Variants in RCAN1 observed in about 807,000 individuals in gnomAD.
RCAN1 encodes the protein calcipressin-1.
RCAN1 carries 11 observed loss-of-function variants against 22.9 expected under a neutral mutation model. That is an observed-to-expected ratio of 0.48 (90% CI 0.30 to 0.79). The LOEUF (loss-of-function observed/expected upper bound fraction) is 0.79. RCAN1 is among the 30% of genes least tolerant of loss of function. The pLI, the probability that RCAN1 is intolerant of heterozygous loss-of-function variation, is 0.06. For missense variants in RCAN1, 291 were observed against 337.8 expected, an observed-to-expected ratio of 0.86 and a Z score of 1.09; for synonymous variants, 136 against 142.3, an observed-to-expected ratio of 0.96 and a Z score of 0.32.
chr21:34,537,415 T>C (rs151274447), intron 1 of RCAN1, among the ~76,000 whole-genome samples: 1 of 152,312 alleles, frequency 6.6e-6, no homozygotes, highest in East Asian at 1.9e-4. Context: ...ATTGAAAAAT[T>C]GGGAGGTGTC....
intron 3 of RCAN1, among the ~76,000 whole-genome samples, chr21:34,519,397 CTTTTT>C (rs34152667): frequency 1.9e-5 from 2 of 102,784 alleles, no homozygotes; most frequent in Non-Finnish European, 3.8e-5. Context: ...TTCTTTCTTT[CTTTTT>C]TTTTTTTTTT....
At chr21:34,597,554 G>A (rs188439961) in intron 1 of RCAN1, among the ~76,000 whole-genome samples, 16 of 152,332 alleles carry the variant, frequency 1.1e-4, no homozygotes, top group African/African-American at 3.8e-4. Context: ...AGATGTGTCT[G>A]TTGGGGTAAC....
intron 1 of RCAN1, among the ~76,000 whole-genome samples, chr21:34,544,193 C>T (rs1458051705): frequency 2.0e-5 from 3 of 152,178 alleles, no homozygotes; most frequent in Non-Finnish European, 4.4e-5. Flanking sequence ...TGCATGATCC[C>T]GGGACTCTGT....
chr21:34,574,344 A>C (rs1987335918), intron 1 of RCAN1, among the ~76,000 whole-genome samples: 2 of 152,356 alleles, frequency 1.3e-5, no homozygotes, highest in East Asian at 3.9e-4. Context: ...GTGAGATACT[A>C]CGTATATTTT....
At chr21:34,525,448 T>C (rs1381118430) in intron 1 of RCAN1, 2 of 1,375,902 alleles carry the variant, frequency 1.5e-6, no homozygotes, top group Non-Finnish European at 1.9e-6. Flanking sequence ...CCCACCTCTC[T>C]TGAGCACGGG....
chr21:34,579,054 G>A (rs972104335), intron 1 of RCAN1, among the ~76,000 whole-genome samples: 4 of 152,112 alleles, frequency 2.6e-5, no homozygotes, highest in Non-Finnish European at 5.9e-5. Context: ...GTCCCTCAAA[G>A]GTTTTTAGGC....
In RCAN1 at chr21:34,569,974, A is replaced by G. The variant is rs527879509; in HGVS notation, c.252+44786T>C. On this transcript the variant is annotated intron_variant, in intron 1 of 3. Transcript: ENST00000313806. ...TGGTAGAGGCAAAGGGGCTGGAGGAAGGGAGGTGAAGGTAGTGGTGGGCCT... is the reference window on the plus strand; with the variant it reads ...TGGTAGAGGCAAAGGGGCTGGAGGAGGGGAGGTGAAGGTAGTGGTGGGCCT... Among the ~76,000 whole-genome samples, 159 of 152,182 alleles carry G rather than the reference A, an allele frequency of 1.0e-3. 2 individuals carry two copies. Among genetic ancestry groups the G allele is most frequent in the Non-Finnish European group, 1.8e-3 (123 of 68,028 alleles).
At position 34,578,115 on chromosome 21, in the gene RCAN1, G is replaced by A. The variant is rs73352087; in HGVS notation, c.252+36645C>T. Among the ~76,000 whole-genome samples, 338 of 149,176 alleles carry A rather than the reference G, an allele frequency of 2.3e-3. 2 individuals carry two copies. The highest frequency in any genetic ancestry group is 7.9e-3 in the African/African-American group (325 of 41,338). On this transcript the variant is annotated intron_variant, in intron 1 of 3. Coordinates refer to ENST00000313806, the MANE Select transcript of RCAN1 (RefSeq NM_004414.7). ...GGGCACCAAGGTCACACAGTCCAGA[G>A]GACAACCAGCATGAAGGCCACATGC...
intron 1 of RCAN1, among the ~76,000 whole-genome samples, chr21:34,540,566 G>T (rs1037789550): frequency 6.6e-6 from 1 of 152,164 alleles, no homozygotes; most frequent in African/African-American, 2.4e-5. Flanking sequence ...ACTAAGGGTA[G>T]ACCAAGCCAG....
At chr21:34,559,486 G>A (rs895372228) in intron 1 of RCAN1, 1 of 152,064 alleles carries the variant, frequency 6.6e-6, no homozygotes, top group Non-Finnish European at 1.5e-5. Context: ...GCTGGTAATG[G>A]TCTAATAAGC....
rs1048259436 is a variant in RCAN1 at position 34,591,145 on chromosome 21, T to G, written c.252+23615A>C. 3.9e-5 allele frequency among the ~76,000 whole-genome samples: 6 copies of G among 152,218 alleles called. No homozygotes were observed. The East Asian group carries it at 1.2e-3, about 29-fold the overall frequency. ...CTGCCCAGCTTATGCTAAATACGTATTTATGCACCTACTATATACCAGGCA... is the reference window on the plus strand; with the variant it reads ...CTGCCCAGCTTATGCTAAATACGTAGTTATGCACCTACTATATACCAGGCA... On this transcript the variant is annotated intron_variant, in intron 1 of 3. Coordinates refer to ENST00000313806, the MANE Select transcript of RCAN1 (RefSeq NM_004414.7).
At chr21:34,526,983 T>G in intron 1 of RCAN1, 1 of 1,329,904 alleles carries the variant, frequency 7.5e-7, no homozygotes, top group Admixed American at 4.1e-5. Context: ...TGTAAGTTTC[T>G]ACTGGAAAGA....
At chr21:34,601,989 A>T (rs560410270) in intron 1 of RCAN1, among the ~76,000 whole-genome samples, 1 of 152,320 alleles carries the variant, frequency 6.6e-6, no homozygotes, top group South Asian at 2.1e-4. Context: ...AAGAAAATAG[A>T]TGCACAGAAA....
chr21:34,603,384 C>CT (rs72557031), intron 1 of RCAN1, among the ~76,000 whole-genome samples: 1 of 79,864 alleles, frequency 1.3e-5, no homozygotes, highest in East Asian at 1.1e-3. Flanking sequence ...CTCCCGAAGT[C>CT]CCCCGGTTTG....
At chr21:34,564,898 G>A (rs1986946257) in intron 1 of RCAN1, among the ~76,000 whole-genome samples, 1 of 152,052 alleles carries the variant, frequency 6.6e-6, no homozygotes, top group South Asian at 2.1e-4. Context: ...TATGACTGTT[G>A]GAACTAATAA....
intron 1 of RCAN1, among the ~76,000 whole-genome samples, chr21:34,546,035 C>T (rs940842868): frequency 2.6e-5 from 4 of 152,158 alleles, no homozygotes; most frequent in Non-Finnish European, 5.9e-5. Context: ...GGTTGAAAAA[C>T]GCTCATAGAA....
chr21:34,593,961 G>T (rs779655822), intron 1 of RCAN1, among the ~76,000 whole-genome samples: 3 of 152,138 alleles, frequency 2.0e-5, no homozygotes, highest in Non-Finnish European at 4.4e-5. Context: ...GGCTGGAGGC[G>T]TGGGGCATGG....
Position 34,518,269 on chromosome 21 carries a change from A to G in RCAN1, c.587-13T>C. 1 of 1,612,938 alleles carries G rather than the reference A, an allele frequency of 6.2e-7. No homozygotes were observed. The highest frequency in any genetic ancestry group is 8.5e-7 in the Non-Finnish European group (1 of 1,179,250). ...TCATACTTTTCCCCTAAGGAGGGAA[A>G]ATAATCGCAGGGTCACTCAGACAAG... is the stretch of plus-strand genomic sequence containing the variant. On this transcript the variant is annotated splice_polypyrimidine_tract_variant and intron_variant, in intron 3 of 3. Coordinates refer to ENST00000313806, the MANE Select transcript of RCAN1 (RefSeq NM_004414.7). The surrounding 1 kb of genome is among the most constrained non-coding windows in gnomAD (Gnocchi z 4.2).
At chr21:34,569,259 C>T (rs1274578722) in intron 1 of RCAN1, among the ~76,000 whole-genome samples, 1 of 152,134 alleles carries the variant, frequency 6.6e-6, no homozygotes, top group Non-Finnish European at 1.5e-5. Context: ...ACAGTATTGT[C>T]TCTGTGGAAA....
Sources: gnomAD v4.1 joint callset for allele counts (sites outside exome capture counted in the v4.1 genomes callset) on GRCh38, gnomAD v4.1.1 for gene constraint, Gnocchi (gnomAD v3.1) non-coding constraint, MANE v1.5 for transcripts, NCBI Gene and HGNC (gene_info 2026-07-23, HGNC 2026-07-21) for gene names.